Variants in PARP12 observed in about 807,000 individuals in gnomAD.
The protein encoded by PARP12 is poly(ADP-ribose) polymerase family member 12.
PARP12 carries 59 observed loss-of-function variants against 72.4 expected under a neutral mutation model. That is an observed-to-expected ratio of 0.81 (90% CI 0.66 to 1.01). The LOEUF (loss-of-function observed/expected upper bound fraction) is 1.01, where lower values mean the gene tolerates loss of function less well. Ranked by LOEUF, PARP12 falls within the 50% of genes least tolerant of loss-of-function variation. The pLI is 0.00. For missense variants in PARP12, 851 were observed against 914.0 expected, an observed-to-expected ratio of 0.93 and a Z score of 0.89; for synonymous variants, 403 against 371.4, an observed-to-expected ratio of 1.09 and a Z score of -0.98.
intron 4 of PARP12, among the ~76,000 whole-genome samples, chr7:140,047,779 C>A (rs1816793841): frequency 6.6e-6 from 1 of 152,012 alleles, no homozygotes; most frequent in Admixed American, 6.6e-5. Flanking sequence ...CACCACACAG[C>A]TAATTTTTGT....
rs941528721 is a variant in PARP12, at chr7:140,028,547, C to G, written c.1497+66G>C. On this transcript the variant is annotated intron_variant, in intron 9 of 11. Transcript: ENST00000263549. ...CTTCAGTGTTGAGGAATGGCACAGT[C>G]TGTTCACACACACCCACTTCTACAG... 11 of 1,372,492 alleles carry G rather than the reference C, an allele frequency of 8.0e-6. No homozygotes were observed. The East Asian group carries it at 2.6e-4, about 32-fold the overall frequency. 85.0% of individuals were successfully genotyped at this position (1,372,492 alleles called of 1,614,324 possible). A position where few individuals can be genotyped will look rare whatever the true frequency, so the allele number is the denominator to read the frequency against.
At position 140,027,368 on chromosome 7, in the gene PARP12, C is replaced by G; in HGVS notation, c.1536G>C (p.Lys512Asn). 6.2e-7 allele frequency: 1 copy of G among 1,614,100 alleles called. No individual in the cohort carries two copies. The change falls in exon 10 of 12, where the codon AAG becomes AAC. Residue 512 changes from lysine to asparagine, a missense_variant. This residue lies in a region of PARP12 where 347 missense variants were observed against 396.1 expected (regional missense o/e 0.88). Coordinates refer to ENST00000263549, the MANE Select transcript of PARP12 (RefSeq NM_022750.4). Reference sequence around the variant, plus strand: ...GCGTGCGGTTAAAGAGGTTCCAGACCTTCTGATACTCTTCCGAGGAAGAAC... The same window carrying G: ...GCGTGCGGTTAAAGAGGTTCCAGACGTTCTGATACTCTTCCGAGGAAGAAC... Reference protein sequence around the residue: ...TLSSSSEEYQKVWNLFNRTLP... With the variant: ...TLSSSSEEYQNVWNLFNRTLP...
intron 5 of PARP12, among the ~76,000 whole-genome samples, chr7:140,045,943 G>A (rs1386954081): frequency 6.6e-6 from 1 of 152,198 alleles, no homozygotes; most frequent in Non-Finnish European, 1.5e-5. Context: ...TCAAGAACAG[G>A]CAAGACAGAG....
At chr7:140,059,881 G>A (rs1243805195) in intron 1 of PARP12, among the ~76,000 whole-genome samples, 1 of 152,202 alleles carries the variant, frequency 6.6e-6, no homozygotes, top group Non-Finnish European at 1.5e-5. Context: ...AGAAATCAGG[G>A]GAGCATGCTG....
At chr7:140,049,406 G>A (rs1330464279) in intron 4 of PARP12, among the ~76,000 whole-genome samples, 1 of 152,198 alleles carries the variant, frequency 6.6e-6, no homozygotes, top group Non-Finnish European at 1.5e-5. Context: ...GGCCAGGAAA[G>A]ACAAATAGCT....
intron 6 of PARP12, chr7:140,038,398 G>T: frequency 1.2e-6 from 1 of 803,254 alleles, no homozygotes; most frequent in Non-Finnish European, 1.5e-6. Flanking sequence ...AGCTTCAGCT[G>T]GAGTGAGTTT....
chr7:140,035,980 G>C lies in PARP12; in HGVS notation c.1325-1649C>G, dbSNP rs1284544813. Among the ~76,000 whole-genome samples the C allele has an allele frequency of 8.8e-3, 650 of 73,482 alleles. 97 individuals are homozygous for C. Among genetic ancestry groups the C allele is most frequent in the African/African-American group, 0.048 (411 of 8,626 alleles). 48.2% of individuals were successfully genotyped at this position (73,482 alleles called of 152,430 possible). On this transcript the variant is annotated intron_variant, in intron 7 of 11. Transcript: ENST00000263549. ...AGGAGGAGGAGGAGGACGAGGAGGA[G>C]GAGGAGGAGGAGGAGGAGGAGAAGG...
chr7:140,057,706 TG>T (rs1817244980), intron 2 of PARP12, 192 bp downstream of exon 2: 2 of 687,302 alleles, frequency 2.9e-6, no homozygotes, highest in Non-Finnish European at 4.7e-6. Context: ...GTGATGTTTG[TG>T]GAACTGGGTT....
Position 140,041,843 on chromosome 7 carries a change from C to A in PARP12, c.987-4G>T, listed in dbSNP as rs1405917797. ...GGCTGACTCAGAGCACAGGATCCTA[C>A]AGAAGAAAAACAGCAGCAGACTGAA... On this transcript the variant is annotated splice_polypyrimidine_tract_variant and splice_region_variant and intron_variant, in intron 5 of 11. Transcript: ENST00000263549. 20 of 1,607,230 alleles carry A rather than the reference C, an allele frequency of 1.2e-5. No individual in the cohort carries two copies. In the Admixed American group the frequency reaches 1.5e-4, roughly 12 times the overall value.
intron 5 of PARP12, among the ~76,000 whole-genome samples, chr7:140,042,344 C>T (rs946014792): frequency 1.3e-5 from 2 of 152,228 alleles, no homozygotes; most frequent in Non-Finnish European, 2.9e-5. Flanking sequence ...AGCTAGTCAG[C>T]GGGCGAGCTG....
chr7:140,024,372 C>T lies in PARP12; in HGVS notation c.*188G>A. The T allele has an allele frequency of 1.4e-6, 1 of 703,106 alleles. No individual in the cohort carries two copies. Among genetic ancestry groups the T allele is most frequent in the Non-Finnish European group, 2.4e-6 (1 of 413,808 alleles). 43.6% of individuals were successfully genotyped at this position (703,106 alleles called of 1,614,324 possible). On this transcript the variant is annotated 3_prime_UTR_variant, in exon 12 of 12. Transcript: ENST00000263549. ...CAACTACAATCACTTCTGGTTAATC[C>T]ACTAGTGAACCCAAAAGTGACTTAA...
At chr7:140,054,185 C>T (rs1194903967) in intron 4 of PARP12, among the ~76,000 whole-genome samples, 1 of 152,188 alleles carries the variant, frequency 6.6e-6, no homozygotes, top group Admixed American at 6.5e-5. Flanking sequence ...AAAGAGATCA[C>T]TGGATTGTTC....
intron 7 of PARP12, among the ~76,000 whole-genome samples, chr7:140,035,902 C>A (rs147137376): frequency 0.19 from 9,336 of 50,120 alleles, 1,411 homozygotes; most frequent in East Asian, 0.45. Context: ...AGGAGGAGGA[C>A]GAGGAGGAGG....
chr7:140,038,490 A>ATAAT (rs2116566214), intron 6 of PARP12, among the ~76,000 whole-genome samples: 1 of 152,258 alleles, frequency 6.6e-6, no homozygotes, highest in East Asian at 1.9e-4. Context: ...TCTCAAGCTT[A>ATAAT]TAATATGAAT....
At position 140,034,269 on chromosome 7, in the gene PARP12, C is replaced by T. The variant is rs35456446; in HGVS notation, c.1387G>A (p.Val463Met). Reference sequence around the variant, plus strand: ...ATGGTCGTCACATCCTGGGGAGACACGTATTTGGGTCTGCGGCAAACCTTT... The same window carrying T: ...ATGGTCGTCACATCCTGGGGAGACATGTATTTGGGTCTGCGGCAAACCTTT... The part of the protein sequence containing the change: ...TKKVCRRPKY[V>M]SPQDVTTMQT... Residue 463 changes from valine (V) to methionine (M), a missense_variant, in exon 8 of 12, where the codon GTG becomes ATG. By Grantham distance (21) the Val-to-Met change is conservative. Transcript: ENST00000263549. 0.047 allele frequency: 76,523 copies of T among 1,612,842 alleles called. 2,417 individuals are homozygous for T. Among genetic ancestry groups the T allele is most frequent in the South Asian group, 0.13 (11,449 of 90,958 alleles).
At chr7:140,028,110 G>A (rs1246607680) in intron 9 of PARP12, among the ~76,000 whole-genome samples, 2 of 152,208 alleles carry the variant, frequency 1.3e-5, no homozygotes, top group East Asian at 3.9e-4. Flanking sequence ...AGCCTCAGAT[G>A]TTAGTCTGCG....
intron 4 of PARP12, 98 bp from the exon 5 acceptor site, chr7:140,047,105 G>C: frequency 7.4e-7 from 1 of 1,349,684 alleles, no homozygotes; most frequent in Non-Finnish European, 9.9e-7. Flanking sequence ...ACTGACCTGG[G>C]AACATTCTGA....
chr7:140,041,844 A>T lies in PARP12; in HGVS notation c.987-5T>A. On this transcript the variant is annotated splice_polypyrimidine_tract_variant and splice_region_variant and intron_variant, in intron 5 of 11. Coordinates refer to ENST00000263549, the MANE Select transcript of PARP12 (RefSeq NM_022750.4). ...GCTGACTCAGAGCACAGGATCCTAC[A>T]GAAGAAAAACAGCAGCAGACTGAAA... 1 of 1,607,526 alleles carries T rather than the reference A, an allele frequency of 6.2e-7. No homozygotes were observed. The highest frequency in any genetic ancestry group is 8.5e-7 in the Non-Finnish European group (1 of 1,175,300).
Position 140,061,994 on chromosome 7 carries a change from G to C in PARP12, c.326+528C>G, listed in dbSNP as rs868165306. On this transcript the variant is annotated intron_variant, in intron 1 of 11. Coordinates refer to ENST00000263549, the MANE Select transcript of PARP12 (RefSeq NM_022750.4). ...CTCCCAGAAATGCCCGGGGGGGGGG[G>C]GGTGTTCCAGTCACAGAAGGGTCCT... Among the ~76,000 whole-genome samples the C allele has an allele frequency of 3.4e-5, 5 of 149,118 alleles. 1 individual carries two copies. The highest frequency in any genetic ancestry group is 3.5e-3 in the Middle Eastern group (1 of 282).
Sources: allele counts gnomAD v4.1 joint callset (sites outside exome capture counted in the v4.1 genomes callset), GRCh38; gene constraint gnomAD v4.1.1; regional missense constraint gnomAD v4.1.1; transcripts MANE v1.5; gene names NCBI Gene and HGNC (gene_info 2026-07-23, HGNC 2026-07-21).